SLC25A23: variants seen among roughly 807,000 people sequenced by gnomAD.
SLC25A23 encodes solute carrier family 25 member 23.
Under a neutral mutation model 53.9 loss-of-function variants are expected in SLC25A23, and 32 were observed. The ratio of observed to expected loss-of-function variants is 0.59; its 90% CI spans 0.45 to 0.80. The LOEUF (loss-of-function observed/expected upper bound fraction) is 0.80, where lower values mean the gene tolerates loss of function less well. Among genes scored for constraint, SLC25A23 ranks in the 30% least tolerant of loss-of-function variants. The pLI is 0.00. For synonymous variants in SLC25A23, 275 were observed against 264.5 expected (o/e 1.04, Z -0.38); for missense variants, 575 against 651.4 (o/e 0.88, Z 1.28).
chr19:6,444,062 G>C, intron 9 of SLC25A23, 89 bp downstream of exon 9: 1 of 1,379,372 alleles, frequency 7.2e-7, no homozygotes. Flanking sequence ...TCGAAATCCA[G>C]GAGGGTCCCA....
At position 6,459,728 on chromosome 19, in the gene SLC25A23, G is replaced by T; in HGVS notation, c.-100C>A. 3.9e-6 allele frequency: 4 copies of T among 1,014,210 alleles called. No homozygotes were observed. The highest frequency in any genetic ancestry group is 5.0e-6 in the Non-Finnish European group (4 of 798,960). The allele number at this position is 1,014,210 out of a possible 1,614,324, so 62.8% of individuals were successfully genotyped here. A position where few individuals can be genotyped will look rare whatever the true frequency, so the allele number is the denominator to read the frequency against. On this transcript the variant is annotated 5_prime_UTR_variant, in exon 1 of 10. Coordinates refer to ENST00000301454, the MANE Select transcript of SLC25A23 (RefSeq NM_024103.3). The surrounding 1 kb of genome is among the most constrained non-coding windows in gnomAD (Gnocchi z 4.6). ...CCGGGACCCCGCAGGGTCAGCTCCCGCGGCCGCCGGCTCCGCAGCCTCCGC... is the reference window on the plus strand; with the variant it reads ...CCGGGACCCCGCAGGGTCAGCTCCCTCGGCCGCCGGCTCCGCAGCCTCCGC...
At chr19:6,439,106 G>A (rs2092375413), downstream of SLC25A23, among the ~76,000 whole-genome samples, 1 of 152,046 alleles carries the variant, frequency 6.6e-6, no homozygotes, top group Admixed American at 6.6e-5. Flanking sequence ...TATAGTCCTA[G>A]CTACTTGGGA....
At chr19:6,444,013 A>C in intron 9 of SLC25A23, 138 bp downstream of exon 9, 1 of 904,324 alleles carries the variant, frequency 1.1e-6, no homozygotes, top group East Asian at 2.7e-5. Flanking sequence ...CTCCCATTTC[A>C]ATGTCACAAA....
chr19:6,450,153 C>T (rs116705152), intron 8 of SLC25A23, among the ~76,000 whole-genome samples: 2,305 of 151,998 alleles, frequency 0.015, 60 homozygotes, highest in African/African-American at 0.053. Flanking sequence ...CCACCGTGAC[C>T]GGCCTCTACT....
At chr19:6,455,744 G>A in intron 4 of SLC25A23, among the ~76,000 whole-genome samples, 2 of 136,126 alleles carry the variant, frequency 1.5e-5, no homozygotes, top group African/African-American at 2.9e-5. Flanking sequence ...TTGAGACGGA[G>A]TGTGGCTCTG....
chr19:6,458,663 T>G (rs1336952236), intron 1 of SLC25A23, among the ~76,000 whole-genome samples: 2 of 152,136 alleles, frequency 1.3e-5, no homozygotes, highest in African/African-American at 4.8e-5. Context: ...GTTTTTAGTT[T>G]TTGTTATTTT....
chr19:6,436,586 G>T (rs184552807), downstream of SLC25A23: 102 of 397,940 alleles, frequency 2.6e-4, no homozygotes, highest in Non-Finnish European at 4.7e-4. Flanking sequence ...TTTTGCTCTT[G>T]TTGCCCAGGC....
chr19:6,443,954 C>T (rs1202403142), intron 9 of SLC25A23, among the ~76,000 whole-genome samples, 197 bp downstream of exon 9: 6 of 152,186 alleles, frequency 3.9e-5, no homozygotes, highest in Admixed American at 3.3e-4. Context: ...TTCCTGTACC[C>T]ACTGCACCTG....
At chr19:6,452,681 G>T in intron 7 of SLC25A23, 1 of 543,520 alleles carries the variant, frequency 1.8e-6, no homozygotes, top group Non-Finnish European at 3.1e-6. Context: ...GCACACATGT[G>T]GCACCACCAG....
intron 4 of SLC25A23, chr19:6,455,952 C>T: frequency 8.6e-7 from 1 of 1,168,936 alleles, no homozygotes; most frequent in Non-Finnish European, 1.1e-6. Flanking sequence ...ATCGCCTGAC[C>T]TCGTGATCCG....
intron 7 of SLC25A23, 83 bp from the exon 8 acceptor site, chr19:6,452,562 TCCTGAAAACAGATGC>T (rs1954660035): frequency 6.8e-7 from 1 of 1,472,568 alleles, no homozygotes; most frequent in Non-Finnish European, 9.1e-7. Context: ...AAATAGCTAC[TCCTGAAAACAGATGC>T]CCTGAGAACA....
chr19:6,449,590 A>G (rs981973698), intron 8 of SLC25A23, among the ~76,000 whole-genome samples: 1 of 151,120 alleles, frequency 6.6e-6, no homozygotes, highest in East Asian at 2.0e-4. Context: ...AATTTTTTGT[A>G]TTTTTAGTAG....
chr19:6,454,299 A>G lies in SLC25A23; in HGVS notation c.795+24T>C, dbSNP rs2092641543. Reference sequence around the variant, plus strand: ...GCCCAGTCTTCCCTATGGCAAGCACATTCCTCCCTGTACCTGCCCTCACCT... The same window carrying G: ...GCCCAGTCTTCCCTATGGCAAGCACGTTCCTCCCTGTACCTGCCCTCACCT... On this transcript the variant is annotated intron_variant, in intron 6 of 9. Transcript: ENST00000301454. The surrounding 1 kb of genome is among the most constrained non-coding windows in gnomAD (Gnocchi z 4.3). The G allele has an allele frequency of 1.9e-6, 3 of 1,605,536 alleles. No individual in the cohort carries two copies. Among genetic ancestry groups the G allele is most frequent in the Non-Finnish European group, 2.6e-6 (3 of 1,174,762 alleles).
chr19:6,456,751 C>T (rs950910433), intron 3 of SLC25A23, among the ~76,000 whole-genome samples: 2 of 152,150 alleles, frequency 1.3e-5, no homozygotes, highest in African/African-American at 4.8e-5. Context: ...GCGATCTCAG[C>T]TCACTGCAAC....
rs151079430 is a variant in SLC25A23 at position 6,454,402 on chromosome 19, C to T, written c.716G>A (p.Arg239His). Reference sequence around the variant, plus strand: ...AATACCATTGCCGCGCCACAGGGAGCGGATGCCTCCCTCAAGGACCATGCT... The same window carrying T: ...AATACCATTGCCGCGCCACAGGGAGTGGATGCCTCCCTCAAGGACCATGCT... Reference protein sequence around the residue: ...LRSMVLEGGIRSLWRGNGINV... With the variant: ...LRSMVLEGGIHSLWRGNGINV... The change falls in exon 6 of 10, where the codon CGC (arginine) becomes CAC (histidine). Residue 239 changes from arginine to histidine, a missense_variant. Physicochemically the swap from Arg to His is conservative, Grantham distance 29. Coordinates refer to ENST00000301454, the MANE Select transcript of SLC25A23 (RefSeq NM_024103.3). The surrounding 1 kb of genome is among the most constrained non-coding windows in gnomAD (Gnocchi z 4.3). The T allele has an allele frequency of 3.0e-5, 48 of 1,614,054 alleles. 1 individual carries two copies. The highest frequency in any genetic ancestry group is 1.8e-4 in the South Asian group (16 of 91,094).
downstream of SLC25A23, among the ~76,000 whole-genome samples, chr19:6,437,458 A>G (rs1285995003): frequency 6.6e-6 from 1 of 152,190 alleles, no homozygotes; most frequent in African/African-American, 2.4e-5. Context: ...ATCAAATTAA[A>G]ATGAGGTTAC....
chr19:6,444,236 G>T lies in SLC25A23; in HGVS notation c.1137C>A (p.Leu379=). ...HDSADPGILV[L]LACGTISSTC... is the part of the protein sequence containing the mutation. ...TGCTGGATATGGTACCGCAGGCCAG[G>T]AGCACGAGGATGCCTGGGTCTGCCG... The change falls in exon 9 of 10, where the codon CTC becomes CTA. Residue 379 remains leucine, a synonymous_variant. Transcript: ENST00000301454. 6.2e-7 allele frequency: 1 copy of T among 1,605,392 alleles called. No homozygotes were observed. The highest frequency in any genetic ancestry group is 8.5e-7 in the Non-Finnish European group (1 of 1,176,850).
rs1599327123 is a variant in SLC25A23 at position 6,452,219 on chromosome 19, G to T, written c.1071+93C>A. The T allele has an allele frequency of 5.3e-6, 8 of 1,512,046 alleles. No individual in the cohort carries two copies. The East Asian group carries it at 2.0e-4, about 37-fold the overall frequency. The allele number at this position is 1,512,046 out of a possible 1,614,324, so 93.7% of individuals were successfully genotyped here. ...AACTGCCTTTCTCTAACTATAGCAG[G>T]TCAACTGAGCCAGCCCCAGGGGAAG... On this transcript the variant is annotated intron_variant, in intron 8 of 9. Coordinates refer to ENST00000301454, the MANE Select transcript of SLC25A23 (RefSeq NM_024103.3).
chr19:6,442,165 A>AGGGGGGGGGGGG lies in SLC25A23; in HGVS notation c.1223-7_1223-6insCCCCCCCCCCCC. On this transcript the variant is annotated splice_region_variant and splice_polypyrimidine_tract_variant and intron_variant, in intron 9 of 9. Transcript: ENST00000301454. ...GGGGCCACCCTCGATGGAGGCTGGG[A>AGGGGGGGGGGGG]GGGGGCGGGGGGGGCACCAGGTAAG... 1 of 642,636 alleles carries AGGGGGGGGGGGG rather than the reference A, an allele frequency of 1.6e-6. No homozygotes were observed. The highest frequency in any genetic ancestry group is 2.4e-6 in the Non-Finnish European group (1 of 417,570). 39.8% of individuals were successfully genotyped at this position (642,636 alleles called of 1,614,324 possible). A position where few individuals can be genotyped will look rare whatever the true frequency, so the allele number is the denominator to read the frequency against.
Sources: allele counts gnomAD v4.1 joint callset (sites outside exome capture counted in the v4.1 genomes callset), GRCh38; gene constraint gnomAD v4.1.1; non-coding constraint Gnocchi (gnomAD v3.1); transcripts MANE v1.5; gene names NCBI Gene and HGNC (gene_info 2026-07-23, HGNC 2026-07-21).